The following STK3 variants were observed in gnomAD, a reference collection of about 807,000 sequenced individuals.
The protein encoded by STK3 is serine/threonine-protein kinase 3.
STK3 carries 41 observed loss-of-function variants against 58.0 expected under a neutral mutation model. The ratio of observed to expected loss-of-function variants is 0.71; its 90% CI spans 0.55 to 0.92. The LOEUF is 0.92. Among genes scored for constraint, STK3 ranks in the 40% least tolerant of loss-of-function variants. The pLI is 0.00. For missense variants in STK3, 479 were observed against 602.7 expected, an observed-to-expected ratio of 0.79 and a Z score of 2.15; for synonymous variants, 170 against 191.0, an observed-to-expected ratio of 0.89 and a Z score of 0.91.
chr8:98,593,859 G>A (rs996294743), intron 7 of STK3, among the ~76,000 whole-genome samples: 9 of 152,038 alleles, frequency 5.9e-5, no homozygotes, highest in African/African-American at 2.2e-4. Flanking sequence ...TGCTAAATAA[G>A]ACTCTAATGA....
At chr8:98,700,806 A>C (rs749618188) in intron 6 of STK3, among the ~76,000 whole-genome samples, 1 of 152,188 alleles carries the variant, frequency 6.6e-6, no homozygotes, top group African/African-American at 2.4e-5. Flanking sequence ...TGATCCATAC[A>C]GTTCTTTCCT....
intron 10 of STK3, among the ~76,000 whole-genome samples, chr8:98,477,279 T>G (rs528697302): frequency 6.6e-6 from 1 of 152,284 alleles, no homozygotes; most frequent in East Asian, 1.9e-4. Context: ...CAAAGGCTCC[T>G]TGCCATGTAA....
chr8:98,372,934 A>G (rs1419397100), intron 2 of STK3, among the ~76,000 whole-genome samples: 1 of 152,248 alleles, frequency 6.6e-6, no homozygotes, highest in Non-Finnish European at 1.5e-5. Context: ...GATAATGTGC[A>G]TGAAGTAACT....
intron 6 of STK3, among the ~76,000 whole-genome samples, chr8:98,622,401 T>C (rs1818402252): frequency 6.6e-6 from 1 of 152,196 alleles, no homozygotes; most frequent in Non-Finnish European, 1.5e-5. Flanking sequence ...TACATTGCCA[T>C]TCATTCATTG....
At chr8:98,740,866 C>A (rs1829142486) in intron 4 of STK3, among the ~76,000 whole-genome samples, 1 of 152,086 alleles carries the variant, frequency 6.6e-6, no homozygotes, top group Admixed American at 6.5e-5. Flanking sequence ...CAAGCAGAGA[C>A]ACACAAAGGC....
intron 8 of STK3, among the ~76,000 whole-genome samples, chr8:98,555,308 A>G (rs1023263541): frequency 2.0e-5 from 3 of 152,158 alleles, no homozygotes; most frequent in Non-Finnish European, 4.4e-5. Flanking sequence ...GATAAAAAGT[A>G]TTTATCACTT....
chr8:98,802,517 G>A (rs971109427), intron 1 of STK3, among the ~76,000 whole-genome samples: 7 of 152,226 alleles, frequency 4.6e-5, no homozygotes, highest in Non-Finnish European at 8.8e-5. Flanking sequence ...TTGAAACTGG[G>A]TGATGAATAC....
chr8:98,724,620 A>C lies in STK3; in HGVS notation c.352-17309T>G, dbSNP rs1009772649. Among the ~76,000 whole-genome samples the C allele has an allele frequency of 2.1e-4, 32 of 152,310 alleles. 1 individual carries two copies. The highest frequency in any genetic ancestry group is 3.8e-4 in the Non-Finnish European group (26 of 68,018). Reference sequence around the variant, plus strand: ...CAGCAGGCTCTCAGACAAAGACTAAAAGGAGGAAAACAGAAGTGGAGAATT... The same window carrying C: ...CAGCAGGCTCTCAGACAAAGACTAACAGGAGGAAAACAGAAGTGGAGAATT... On this transcript the variant is annotated intron_variant, in intron 4 of 10. Coordinates refer to ENST00000419617, the MANE Select transcript of STK3 (RefSeq NM_006281.4).
At chr8:98,632,607 G>A (rs1235050711) in intron 6 of STK3, among the ~76,000 whole-genome samples, 1 of 152,160 alleles carries the variant, frequency 6.6e-6, no homozygotes, top group Non-Finnish European at 1.5e-5. Context: ...CCATACTATA[G>A]TCAGTAAAGT....
intron 6 of STK3, among the ~76,000 whole-genome samples, chr8:98,681,904 G>C (rs185940912): frequency 6.6e-6 from 1 of 152,326 alleles, no homozygotes; most frequent in East Asian, 1.9e-4. Flanking sequence ...AAATGCAGTC[G>C]ACAAGGAAAT....
intron 6 of STK3, among the ~76,000 whole-genome samples, chr8:98,601,272 C>T (rs540872067): frequency 6.6e-6 from 1 of 152,234 alleles, no homozygotes; most frequent in South Asian, 2.1e-4. Context: ...GTCACCTATT[C>T]CAGTCTGCCC....
chr8:98,473,798 C>A (rs575701997), intron 10 of STK3, among the ~76,000 whole-genome samples: 1 of 152,232 alleles, frequency 6.6e-6, no homozygotes, highest in South Asian at 2.1e-4. Context: ...TTATTGGCTT[C>A]TTCTCAACTA....
intron 1 of STK3, chr8:98,437,732 G>A (rs573066716): frequency 6.6e-6 from 1 of 152,350 alleles, no homozygotes; most frequent in African/African-American, 2.4e-5. Flanking sequence ...GGTCTGCCCA[G>A]GGTTGACTCC....
chr8:98,920,490 C>T (rs1320926186), intron 1 of STK3, among the ~76,000 whole-genome samples: 1 of 152,208 alleles, frequency 6.6e-6, no homozygotes, highest in Non-Finnish European at 1.5e-5. Context: ...GGGTTTTAGG[C>T]CCCTTTTAAC....
chr8:98,487,427 A>G (rs1243547877), intron 10 of STK3, among the ~76,000 whole-genome samples: 1 of 152,220 alleles, frequency 6.6e-6, no homozygotes, highest in African/African-American at 2.4e-5. Flanking sequence ...AATTCACTAG[A>G]AAATGAAAAC....
At chr8:98,653,832 C>T (rs1821204530) in intron 6 of STK3, among the ~76,000 whole-genome samples, 1 of 152,088 alleles carries the variant, frequency 6.6e-6, no homozygotes, top group Non-Finnish European at 1.5e-5. Context: ...GAAATTGAGG[C>T]AATAATTAAT....
At chr8:98,728,027 C>T (rs1827905155) in intron 4 of STK3, among the ~76,000 whole-genome samples, 1 of 152,158 alleles carries the variant, frequency 6.6e-6, no homozygotes, top group Admixed American at 6.5e-5. Flanking sequence ...GATCATTCAT[C>T]AAGCTTCATA....
intron 7 of STK3, among the ~76,000 whole-genome samples, chr8:98,593,817 C>T (rs913110144): frequency 3.3e-5 from 5 of 152,032 alleles, no homozygotes; most frequent in African/African-American, 9.7e-5. Context: ...ATACAAAACT[C>T]CTTGAAGAGA....
rs565196286 is a variant in STK3 at position 98,519,408 on chromosome 8, G to C, written c.1317+7334C>G. Among the ~76,000 whole-genome samples, 3 of 152,102 alleles carry C rather than the reference G, an allele frequency of 2.0e-5. No homozygotes were observed. The East Asian group carries it at 5.8e-4, about 29-fold the overall frequency. On this transcript the variant is annotated intron_variant, in intron 10 of 10. Coordinates refer to ENST00000419617, the MANE Select transcript of STK3 (RefSeq NM_006281.4). ...AGGGGTGGCCCTGCTCCTCTTTTTCGGGGCTACTCTAGTTTCTTTATCACT... is the reference window on the plus strand; with the variant it reads ...AGGGGTGGCCCTGCTCCTCTTTTTCCGGGCTACTCTAGTTTCTTTATCACT...
Sources: allele counts gnomAD v4.1 joint callset (sites outside exome capture counted in the v4.1 genomes callset), GRCh38; gene constraint gnomAD v4.1.1; transcripts MANE v1.5; gene names NCBI Gene and HGNC (gene_info 2026-07-23, HGNC 2026-07-21).